Variants in OTUD7A observed in about 807,000 individuals in gnomAD.
The protein encoded by OTUD7A is OTU deubiquitinase 7A.
A neutral mutation model predicts 65.7 loss-of-function variants in OTUD7A; 12 were observed. That is an observed-to-expected ratio of 0.18 (90% CI 0.12 to 0.30). The LOEUF is 0.30. OTUD7A is among the 10% of genes least tolerant of loss of function. The pLI, the probability that OTUD7A is intolerant of heterozygous loss-of-function variation, is 1.00. For synonymous variants in OTUD7A, 641 were observed against 586.3 expected (o/e 1.09, Z -1.35); for missense variants, 1,148 against 1,304.8 (o/e 0.88, Z 1.85).
intron 1 of OTUD7A, among the ~76,000 whole-genome samples, chr15:31,675,488 A>G (rs1462813913): frequency 6.6e-6 from 1 of 152,264 alleles, no homozygotes; most frequent in African/African-American, 2.4e-5. Context: ...AAAAGCCCAC[A>G]GTTATTCATT....
At chr15:31,633,004 T>C (rs1194713440) in intron 3 of OTUD7A, among the ~76,000 whole-genome samples, 1 of 151,910 alleles carries the variant, frequency 6.6e-6, no homozygotes, top group African/African-American at 2.4e-5. Flanking sequence ...GTGAACCGAT[T>C]TTCCAGGTGC....
At chr15:31,651,160 C>G (rs1427906298) in intron 3 of OTUD7A, among the ~76,000 whole-genome samples, 32 of 143,280 alleles carry the variant, frequency 2.2e-4, no homozygotes, top group African/African-American at 8.6e-4. Context: ...AACATAGAAA[C>G]ATGGAAAGAA....
intron 3 of OTUD7A, among the ~76,000 whole-genome samples, chr15:31,574,273 GA>G (rs1157663743): frequency 1.3e-5 from 2 of 152,034 alleles, no homozygotes; most frequent in Non-Finnish European, 2.9e-5. Flanking sequence ...ATAACATAGT[GA>G]AAGACATTTA....
rs553176272 is a variant in OTUD7A, at chr15:31,812,328, C to T, written c.-100+58179G>A. On this transcript the variant is annotated intron_variant, in intron 1 of 12. Coordinates refer to ENST00000307050, the MANE Select transcript of OTUD7A (RefSeq NM_001382637.1). ...AGGAATCAGGCAGTTACGGCATCAA[C>T]TGCCCTTCAGCTACGCCTTCCAAGG... Among the ~76,000 whole-genome samples, 136 of 152,316 alleles carry T rather than the reference C, an allele frequency of 8.9e-4. 1 individual carries two copies. The highest frequency in any genetic ancestry group is 3.2e-3 in the African/African-American group (132 of 41,564).
At chr15:31,552,427 T>C (rs955016650) in intron 5 of OTUD7A, among the ~76,000 whole-genome samples, 2 of 152,228 alleles carry the variant, frequency 1.3e-5, no homozygotes, top group African/African-American at 4.8e-5. Context: ...TTAAATTCTT[T>C]ATAGCAAAAA....
Position 31,766,378 on chromosome 15 carries a change from G to C in OTUD7A, c.-100+104129C>G, listed in dbSNP as rs1284877516. The C allele has an allele frequency of 8.8e-6, 14 of 1,587,250 alleles. No individual in the cohort carries two copies. The South Asian group carries it at 1.5e-4, about 18-fold the overall frequency. On this transcript the variant is annotated intron_variant, in intron 1 of 12. Transcript: ENST00000307050. ...GGAAATAACAAACAACATAACTGTA[G>C]AGCATCGATGGCAACCCTCTCTAAA... is the stretch of plus-strand genomic sequence containing the variant.
chr15:31,821,580 T>A (rs1462337232), intron 1 of OTUD7A, among the ~76,000 whole-genome samples: 1 of 152,192 alleles, frequency 6.6e-6, no homozygotes, highest in Non-Finnish European at 1.5e-5. Flanking sequence ...ATAATGATAA[T>A]AAACACTCAT....
intron 3 of OTUD7A, among the ~76,000 whole-genome samples, chr15:31,645,807 C>T (rs1237913716): frequency 2.6e-5 from 4 of 152,130 alleles, no homozygotes; most frequent in African/African-American, 4.8e-5. Context: ...TGGCTGGCTG[C>T]CTGTTTTATA....
At chr15:31,762,082 A>G (rs1334825284) in intron 1 of OTUD7A, among the ~76,000 whole-genome samples, 3 of 152,242 alleles carry the variant, frequency 2.0e-5, no homozygotes, top group Admixed American at 6.5e-5. Context: ...ATAGTTTCAT[A>G]TATCTGTGAA....
chr15:31,601,216 C>G (rs1890063821), intron 3 of OTUD7A, among the ~76,000 whole-genome samples: 1 of 152,162 alleles, frequency 6.6e-6, no homozygotes, highest in Non-Finnish European at 1.5e-5. Context: ...GGAAGTAAAA[C>G]ACTCCTCAGC....
intron 3 of OTUD7A, among the ~76,000 whole-genome samples, chr15:31,616,451 C>T (rs1890588894): frequency 6.6e-6 from 1 of 152,192 alleles, no homozygotes; most frequent in African/African-American, 2.4e-5. Context: ...CCTCAACAAT[C>T]TAAGTTGGGG....
chr15:31,808,098 A>AACAC (rs55911531), intron 1 of OTUD7A, among the ~76,000 whole-genome samples: 6,360 of 95,778 alleles, frequency 0.066, 170 homozygotes, highest in Middle Eastern at 0.12. Flanking sequence ...ACAAATGCCA[A>AACAC]ACACACACAC....
chr15:31,571,882 A>G (rs1889065158), intron 3 of OTUD7A, among the ~76,000 whole-genome samples: 1 of 152,144 alleles, frequency 6.6e-6, no homozygotes, highest in Non-Finnish European at 1.5e-5. Context: ...TAGAAGCCTA[A>G]TTCTAACATG....
chr15:31,726,447 G>T (rs1424230925), intron 1 of OTUD7A, among the ~76,000 whole-genome samples: 1 of 151,720 alleles, frequency 6.6e-6, no homozygotes, highest in Admixed American at 6.6e-5. Flanking sequence ...AAAATCCCTT[G>T]AACAGTGTAG....
rs146732127 is a variant in OTUD7A, at chr15:31,607,135, G to C, written c.152-36938C>G. Among the ~76,000 whole-genome samples, 21 of 152,352 alleles carry C rather than the reference G, an allele frequency of 1.4e-4. No individual in the cohort carries two copies. The East Asian group carries it at 3.9e-3, about 28-fold the overall frequency. On this transcript the variant is annotated intron_variant, in intron 3 of 12. Coordinates refer to ENST00000307050, the MANE Select transcript of OTUD7A (RefSeq NM_001382637.1). ...AGAACTAGGAGAGGATTAGAGACAA[G>C]AGAGATAAACTAGCATTTGGAGTTA...
At chr15:31,741,004 T>C (rs1894328591) in intron 1 of OTUD7A, among the ~76,000 whole-genome samples, 2 of 152,212 alleles carry the variant, frequency 1.3e-5, no homozygotes, top group Admixed American at 6.5e-5. Flanking sequence ...TGACAAACTT[T>C]ACTTAAGGGT....
chr15:31,618,048 G>A (rs1403710315), intron 3 of OTUD7A, among the ~76,000 whole-genome samples: 1 of 151,896 alleles, frequency 6.6e-6, no homozygotes, highest in Non-Finnish European at 1.5e-5. Context: ...TTGTTCTTGT[G>A]ATAGTTTGCT....
In OTUD7A at chr15:31,511,096, ATGTATATC is replaced by A; in HGVS notation, c.894-7286_894-7279del. Among the ~76,000 whole-genome samples, 3 of 41,400 alleles carry A rather than the reference ATGTATATC, an allele frequency of 7.2e-5. 1 individual carries two copies. The South Asian group carries it at 1.5e-3, about 20-fold the overall frequency. The allele number at this position is 41,400 out of a possible 152,430, so 27.2% of individuals were successfully genotyped here. On this transcript the variant is annotated intron_variant, in intron 8 of 12. Coordinates refer to ENST00000307050, the MANE Select transcript of OTUD7A (RefSeq NM_001382637.1). ...ATGTATATCTATATGTAACATACAT[ATGTATATC>A]TATATGTAACATACATATGTATATC...
At chr15:31,869,234 T>C (rs999088356) in intron 1 of OTUD7A, among the ~76,000 whole-genome samples, 1 of 152,192 alleles carries the variant, frequency 6.6e-6, no homozygotes, top group African/African-American at 2.4e-5. Flanking sequence ...TCTGTTCTCG[T>C]GAACCCTCTT....
Sources: gnomAD v4.1 joint callset for allele counts (sites outside exome capture counted in the v4.1 genomes callset) on GRCh38, gnomAD v4.1.1 for gene constraint, MANE v1.5 for transcripts, NCBI Gene and HGNC (gene_info 2026-07-23, HGNC 2026-07-21) for gene names.